TCP11L2: variants seen among roughly 807,000 people sequenced by gnomAD.
TCP11L2 encodes the protein T-complex protein 11-like protein 2.
In TCP11L2, 39 loss-of-function variants were observed where a neutral mutation model predicts 50.7. That is an observed-to-expected ratio of 0.77 (90% CI 0.60 to 1.01). The LOEUF (loss-of-function observed/expected upper bound fraction) is 1.01. Ranked by LOEUF, TCP11L2 falls within the 50% of genes least tolerant of loss-of-function variation. TCP11L2 has a pLI of 0.00. For missense variants in TCP11L2, 612 were observed against 614.7 expected (o/e 1.00, Z 0.05); for synonymous variants, 192 against 219.3 (o/e 0.88, Z 1.10).
At chr12:106,342,804 G>A (rs532233888) in intron 9 of TCP11L2, among the ~76,000 whole-genome samples, 67 of 152,280 alleles carry the variant, frequency 4.4e-4, no homozygotes, top group African/African-American at 1.4e-3. Context: ...TGACTGGCAC[G>A]TCAGTCAGAG....
chr12:106,343,963 C>G (rs928492202), intron 9 of TCP11L2, among the ~76,000 whole-genome samples: 2 of 151,452 alleles, frequency 1.3e-5, no homozygotes, highest in African/African-American at 4.8e-5. Context: ...GGCCTGCCAT[C>G]TACACTTTTA....
At chr12:106,339,057 A>G (rs1259951848) in intron 8 of TCP11L2, among the ~76,000 whole-genome samples, 2 of 152,222 alleles carry the variant, frequency 1.3e-5, no homozygotes, top group Admixed American at 6.5e-5. Context: ...AGGCAGGAGA[A>G]TCACTTGAAC....
At chr12:106,330,602 G>A (rs957946518) in intron 6 of TCP11L2, among the ~76,000 whole-genome samples, 1 of 152,122 alleles carries the variant, frequency 6.6e-6, no homozygotes, top group Non-Finnish European at 1.5e-5. Context: ...AATCCATTTC[G>A]TGATGACCCA....
At chr12:106,302,048 CGGT>C (rs2034431607), upstream of TCP11L2, 1 of 152,532 alleles carries the variant, frequency 6.6e-6, no homozygotes, top group East Asian at 1.9e-4. Context: ...GGAGATGACC[CGGT>C]TAGTGGCTGA....
intron 9 of TCP11L2, among the ~76,000 whole-genome samples, chr12:106,344,451 C>T (rs2036176337): frequency 6.6e-6 from 1 of 152,108 alleles, no homozygotes. Flanking sequence ...GTAACAGATG[C>T]TAAGGAAAGT....
chr12:106,336,006 T>C (rs2035906592), intron 7 of TCP11L2, 26 bp from the exon 8 acceptor site: 1 of 1,550,980 alleles, frequency 6.4e-7, no homozygotes, highest in African/African-American at 1.4e-5. Flanking sequence ...CCCTTTCTAT[T>C]TTTATATTTT....
Position 106,318,216 on chromosome 12 carries a change from T to C in TCP11L2, c.294-128T>C, listed in dbSNP as rs942781625. 5.5e-6 allele frequency: 6 copies of C among 1,087,608 alleles called. No homozygotes were observed. The South Asian group carries it at 1.0e-4, about 18-fold the overall frequency. 67.4% of individuals were successfully genotyped at this position (1,087,608 alleles called of 1,614,324 possible). On this transcript the variant is annotated intron_variant, in intron 3 of 9. Transcript: ENST00000299045. ...TTCAACAAGAAAAATATTAAAAGATTAATGGATTAAGGACAATTATTCTGT... is the reference window on the plus strand; with the variant it reads ...TTCAACAAGAAAAATATTAAAAGATCAATGGATTAAGGACAATTATTCTGT...
At chr12:106,302,386 GC>G (rs2034445258), upstream of TCP11L2, among the ~76,000 whole-genome samples, 18 of 64,264 alleles carry the variant, frequency 2.8e-4, 2 homozygotes, top group Admixed American at 2.9e-3. Context: ...CCCCCGCTCA[GC>G]CCCCGCTCAG....
intron 3 of TCP11L2, among the ~76,000 whole-genome samples, chr12:106,316,172 C>T (rs901310045): frequency 1.7e-4 from 26 of 152,210 alleles, no homozygotes; most frequent in African/African-American, 4.6e-4. Flanking sequence ...GCTAGGCCAC[C>T]GTCATCTGTG....
chr12:106,346,351 C>A lies in TCP11L2; in HGVS notation c.1381C>A (p.Pro461Thr), dbSNP rs1592988365. 6.2e-7 allele frequency: 1 copy of A among 1,614,140 alleles called. No homozygotes were observed. Among genetic ancestry groups the A allele is most frequent in the East Asian group, 2.2e-5 (1 of 44,882 alleles). ...CLPSPQKCMP[P>T]MPGGLAVIQQ... The stretch of plus-strand genomic sequence containing the variant: ...TCCAAGCCCTCAAAAATGCATGCCT[C>A]CTATGCCAGGAGGCCTAGCTGTCAT... The change falls in exon 10 of 10, where the codon CCT (proline) becomes ACT (threonine). Residue 461 changes from proline to threonine, a missense_variant. Physicochemically the swap from Pro to Thr is conservative, Grantham distance 38. Coordinates refer to ENST00000299045, the MANE Select transcript of TCP11L2 (RefSeq NM_152772.3).
chr12:106,336,311 A>G (rs1384146629), intron 8 of TCP11L2, 98 bp downstream of exon 8: 2 of 1,148,586 alleles, frequency 1.7e-6, no homozygotes, highest in Non-Finnish European at 1.2e-6. Context: ...TGTGAGATTC[A>G]GGACTGTGCT....
At position 106,321,591 on chromosome 12, in the gene TCP11L2, G is replaced by T. The variant is rs1351328827; in HGVS notation, c.520G>T (p.Asp174Tyr). Reference sequence around the variant, plus strand: ...GCAGCAGGCTGAGCACAGTGCTGTTGACATCCAAGGCCTGGCCAACTATGT... The same window carrying T: ...GCAGCAGGCTGAGCACAGTGCTGTTTACATCCAAGGCCTGGCCAACTATGT... Reference protein sequence around the residue: ...IRQQAEHSAVDIQGLANYVIS... With the variant: ...IRQQAEHSAVYIQGLANYVIS... The change falls in exon 5 of 10, where the codon GAC (aspartate) becomes TAC (tyrosine). Residue 174 changes from aspartate (D) to tyrosine (Y), a missense_variant. Transcript: ENST00000299045. 1 of 1,614,208 alleles carries T rather than the reference G, an allele frequency of 6.2e-7. No homozygotes were observed.
At chr12:106,335,960 A>G (rs902016443) in intron 7 of TCP11L2, 72 bp from the exon 8 acceptor site, 1 of 1,499,532 alleles carries the variant, frequency 6.7e-7, no homozygotes, top group Non-Finnish European at 8.9e-7. Flanking sequence ...TTTGGAAATG[A>G]CATTGCCTGT....
intron 6 of TCP11L2, among the ~76,000 whole-genome samples, chr12:106,331,221 C>T (rs2035735753): frequency 6.6e-6 from 1 of 152,156 alleles, no homozygotes; most frequent in East Asian, 1.9e-4. Context: ...TCAGTGTCTG[C>T]ATGTTTTCCA....
intron 6 of TCP11L2, among the ~76,000 whole-genome samples, chr12:106,332,315 G>C (rs1382160383): frequency 6.6e-6 from 1 of 152,184 alleles, no homozygotes; most frequent in Middle Eastern, 3.2e-3. Flanking sequence ...TTATCCCCAA[G>C]AATTGTAAAC....
At chr12:106,343,781 C>G (rs927130259) in intron 9 of TCP11L2, among the ~76,000 whole-genome samples, 4 of 151,680 alleles carry the variant, frequency 2.6e-5, no homozygotes, top group Admixed American at 6.6e-5. Flanking sequence ...CCCAGCCTCC[C>G]TAGTAGCTGG....
chr12:106,327,004 C>T (rs1565852609), intron 6 of TCP11L2, among the ~76,000 whole-genome samples: 1 of 152,210 alleles, frequency 6.6e-6, no homozygotes, highest in Non-Finnish European at 1.5e-5. Flanking sequence ...AGCAGCATTT[C>T]TCTGAGACTT....
At chr12:106,343,194 CA>C (rs2036139307) in intron 9 of TCP11L2, among the ~76,000 whole-genome samples, 1 of 152,122 alleles carries the variant, frequency 6.6e-6, no homozygotes, top group African/African-American at 2.4e-5. Flanking sequence ...GACTCATCTG[CA>C]AAAGAGGCAA....
chr12:106,329,241 A>G (rs1481958859), intron 6 of TCP11L2: 1 of 1,469,782 alleles, frequency 6.8e-7, no homozygotes, highest in Non-Finnish European at 9.2e-7. Context: ...AATCCCCAGT[A>G]CTTGGTACAA....
Sources: allele counts gnomAD v4.1 joint callset (sites outside exome capture counted in the v4.1 genomes callset), GRCh38; gene constraint gnomAD v4.1.1; transcripts MANE v1.5; gene names NCBI Gene and HGNC (gene_info 2026-07-23, HGNC 2026-07-21).